Variants in OPCML observed in about 807,000 individuals in gnomAD.
OPCML encodes opioid-binding protein/cell adhesion molecule.
In OPCML, 13 loss-of-function variants were observed where a neutral mutation model predicts 37.8. The ratio of observed to expected loss-of-function variants is 0.34; its 90% CI spans 0.22 to 0.55. The LOEUF is 0.55. Ranked by LOEUF, OPCML falls within the 20% of genes least tolerant of loss-of-function variation. OPCML has a pLI of 0.91. For missense variants in OPCML, 341 were observed against 435.6 expected (o/e 0.78, Z 1.93); for synonymous variants, 176 against 168.8 (o/e 1.04, Z -0.33).
At chr11:133,009,778 G>C (rs1176182487) in intron 1 of OPCML, among the ~76,000 whole-genome samples, 1 of 152,164 alleles carries the variant, frequency 6.6e-6, no homozygotes, top group Non-Finnish European at 1.5e-5. Flanking sequence ...GATCTGACAG[G>C]AGATGGGGCG....
At chr11:132,592,750 A>G (rs1426707184) in intron 3 of OPCML, among the ~76,000 whole-genome samples, 1 of 152,212 alleles carries the variant, frequency 6.6e-6, no homozygotes, top group African/African-American at 2.4e-5. Context: ...GTGGTCCAGA[A>G]TGTACAAAGA....
At chr11:132,729,764 C>T (rs564621684) in intron 2 of OPCML, among the ~76,000 whole-genome samples, 52 of 152,100 alleles carry the variant, frequency 3.4e-4, no homozygotes, top group Admixed American at 3.1e-3. Context: ...AACATCAGAC[C>T]GCCTTTGTTG....
intron 1 of OPCML, among the ~76,000 whole-genome samples, chr11:133,112,691 A>C (rs528446565): frequency 6.6e-6 from 1 of 152,164 alleles, no homozygotes; most frequent in East Asian, 1.9e-4. Context: ...GTCCTGGCCT[A>C]AGGAAGAGAA....
rs144012958 is a variant in OPCML at position 133,001,466 on chromosome 11, T to C, written c.62-58456A>G. ...TCTGGATGCTATCATTGGGTGACTTTAGCATTAGTCTTTCCCTAGCACCAT... is the reference window on the plus strand; with the variant it reads ...TCTGGATGCTATCATTGGGTGACTTCAGCATTAGTCTTTCCCTAGCACCAT... On this transcript the variant is annotated intron_variant, in intron 1 of 7. Transcript: ENST00000524381. 4.0e-3 allele frequency among the ~76,000 whole-genome samples: 607 copies of C among 152,356 alleles called. 1 individual carries two copies. The highest frequency in any genetic ancestry group is 0.014 in the African/African-American group (577 of 41,584).
chr11:132,856,727 A>G (rs1021380756), intron 2 of OPCML, among the ~76,000 whole-genome samples: 1 of 152,174 alleles, frequency 6.6e-6, no homozygotes, highest in African/African-American at 2.4e-5. Flanking sequence ...CAGTAAGCAC[A>G]CTGTGCATGT....
intron 2 of OPCML, among the ~76,000 whole-genome samples, chr11:132,740,073 A>C (rs147358149): frequency 6.6e-6 from 1 of 152,214 alleles, no homozygotes; most frequent in Non-Finnish European, 1.5e-5. Context: ...CTAAATGTGC[A>C]TATTGCTTAG....
chr11:132,968,478 CT>C (rs531687463), intron 1 of OPCML, among the ~76,000 whole-genome samples: 4 of 151,818 alleles, frequency 2.6e-5, no homozygotes, highest in African/African-American at 9.7e-5. Flanking sequence ...AGCTTCAAAT[CT>C]TTTTTTTGTC....
At chr11:132,868,115 C>T (rs554418288) in intron 2 of OPCML, among the ~76,000 whole-genome samples, 6 of 151,940 alleles carry the variant, frequency 3.9e-5, no homozygotes, top group Admixed American at 1.3e-4. Context: ...CTGTGGAAAG[C>T]GGGGAGGGGT....
chr11:133,156,255 A>T (rs1950060973), intron 1 of OPCML, among the ~76,000 whole-genome samples: 2 of 152,136 alleles, frequency 1.3e-5, no homozygotes, highest in Non-Finnish European at 2.9e-5. Flanking sequence ...CTGCTTACTC[A>T]ACATGTTACC....
chr11:133,008,645 G>T (rs1307322002), intron 1 of OPCML, among the ~76,000 whole-genome samples: 1 of 152,188 alleles, frequency 6.6e-6, no homozygotes, highest in African/African-American at 2.4e-5. Flanking sequence ...TATGGGAGTG[G>T]AAGGATCTGT....
At chr11:133,380,217 G>A (rs906757186) in intron 1 of OPCML, among the ~76,000 whole-genome samples, 1 of 152,048 alleles carries the variant, frequency 6.6e-6, no homozygotes, top group Non-Finnish European at 1.5e-5. Flanking sequence ...TCAGATAAAG[G>A]GTATCTGGAA....
chr11:132,816,574 T>C (rs528168675), intron 2 of OPCML, among the ~76,000 whole-genome samples: 47 of 152,288 alleles, frequency 3.1e-4, no homozygotes, highest in Non-Finnish European at 6.5e-4. Context: ...CAGGTAAGAT[T>C]TCTTGTTTAT....
chr11:133,397,762 G>T (rs1262567590), intron 1 of OPCML, among the ~76,000 whole-genome samples: 1 of 152,140 alleles, frequency 6.6e-6, no homozygotes, highest in Non-Finnish European at 1.5e-5. Context: ...GCAATTGACA[G>T]AATTTATAAA....
intron 1 of OPCML, among the ~76,000 whole-genome samples, chr11:133,229,582 A>G (rs1940188454): frequency 6.6e-6 from 1 of 151,964 alleles, no homozygotes; most frequent in African/African-American, 2.4e-5. Context: ...CACCGTTCTC[A>G]AATTAATAGG....
intron 1 of OPCML, among the ~76,000 whole-genome samples, chr11:133,461,762 G>C (rs1946865090): frequency 6.6e-6 from 1 of 151,860 alleles, no homozygotes; most frequent in Admixed American, 6.6e-5. Context: ...TGATATTTTT[G>C]TAAGAATCGA....
At chr11:132,719,854 G>C (rs1388708724) in intron 2 of OPCML, among the ~76,000 whole-genome samples, 1 of 152,216 alleles carries the variant, frequency 6.6e-6, no homozygotes, top group Non-Finnish European at 1.5e-5. Context: ...TGAGCTCCGA[G>C]TGCAAGTTTC....
intron 1 of OPCML, chr11:133,418,552 A>G (rs1945815921): frequency 1.2e-5 from 9 of 761,220 alleles, no homozygotes; most frequent in South Asian, 6.0e-5. Flanking sequence ...AGTTGACTCT[A>G]TCTTGCTTCT....
chr11:132,441,646 C>A (rs961561879), intron 4 of OPCML, among the ~76,000 whole-genome samples: 1 of 152,150 alleles, frequency 6.6e-6, no homozygotes, highest in Non-Finnish European at 1.5e-5. Context: ...AGGTTGGAAG[C>A]AACAGAAAGC....
chr11:133,412,981 T>C (rs1174366480), intron 1 of OPCML, among the ~76,000 whole-genome samples: 2 of 152,188 alleles, frequency 1.3e-5, no homozygotes, highest in African/African-American at 4.8e-5. Context: ...GACTTACATT[T>C]CTGTGAAATC....
Sources: gnomAD v4.1 joint callset for allele counts (sites outside exome capture counted in the v4.1 genomes callset) on GRCh38, gnomAD v4.1.1 for gene constraint, MANE v1.5 for transcripts, NCBI Gene and HGNC (gene_info 2026-07-23, HGNC 2026-07-21) for gene names.